ERAP2: variants seen among roughly 807,000 people sequenced by gnomAD.
ERAP2 encodes the protein endoplasmic reticulum aminopeptidase 2, also known as leukocyte-derived arginine aminopeptidase.
In ERAP2, 118 loss-of-function variants were observed where a neutral mutation model predicts 111.1. The ratio of observed to expected loss-of-function variants is 1.06; its 90% CI spans 0.92 to 1.24. The LOEUF is 1.24. Ranked by LOEUF, ERAP2 falls within the 50% of genes most tolerant of loss-of-function variation. ERAP2 has a pLI of 0.00. For missense variants in ERAP2, 1,131 were observed against 1,125.8 expected, an observed-to-expected ratio of 1.00 and a Z score of -0.07; for synonymous variants, 410 against 401.2, an observed-to-expected ratio of 1.02 and a Z score of -0.26.
intron 5 of ERAP2, 21 bp downstream of exon 5, chr5:96,889,326 A>G (rs768522911): frequency 8.1e-6 from 13 of 1,613,354 alleles, no homozygotes; most frequent in Non-Finnish European, 1.0e-5. Flanking sequence ...ATTCCACATT[A>G]TTGTCTTCAT....
intron 13 of ERAP2, among the ~76,000 whole-genome samples, chr5:96,905,922 A>T (rs973525545): frequency 2.7e-5 from 4 of 148,802 alleles, no homozygotes; most frequent in African/African-American, 9.9e-5. Flanking sequence ...TAGTTTGGAG[A>T]GATAATTTTT....
chr5:96,876,685 G>C (rs1318979113), intron 1 of ERAP2, among the ~76,000 whole-genome samples, 158 bp downstream of exon 1: 1 of 152,166 alleles, frequency 6.6e-6, no homozygotes, highest in African/African-American at 2.4e-5. Flanking sequence ...GTATTAGAAA[G>C]TGTATGCAGT....
intron 15 of ERAP2, among the ~76,000 whole-genome samples, chr5:96,911,513 C>G (rs988359371): frequency 2.0e-5 from 3 of 152,138 alleles, no homozygotes; most frequent in African/African-American, 4.8e-5. Flanking sequence ...TATAAAATAA[C>G]TAGACACTAA....
chr5:96,918,868 A>C lies in ERAP2; in HGVS notation c.*1263A>C, dbSNP rs899725885. 6.6e-6 allele frequency: 1 copy of C among 152,186 alleles called. No individual in the cohort carries two copies. The highest frequency in any genetic ancestry group is 2.4e-5 in the African/African-American group (1 of 41,454). The allele number at this position is 152,186 out of a possible 1,614,324, so 9.4% of individuals were successfully genotyped here. On this transcript the variant is annotated 3_prime_UTR_variant, in exon 19 of 19. Coordinates refer to ENST00000437043, the MANE Select transcript of ERAP2 (RefSeq NM_022350.5). Reference sequence around the variant, plus strand: ...TATAACCCAGCTTTAGCATTTCTTCATATTTTAAGGAAACCCCCCACCTCC... The same window carrying C: ...TATAACCCAGCTTTAGCATTTCTTCCTATTTTAAGGAAACCCCCCACCTCC...
At chr5:96,891,195 A>T (rs1435398463) in intron 5 of ERAP2, among the ~76,000 whole-genome samples, 3 of 152,108 alleles carry the variant, frequency 2.0e-5, no homozygotes, top group African/African-American at 7.2e-5. Flanking sequence ...GTTCATTTCA[A>T]ACTTTTAAAA....
Position 96,901,250 on chromosome 5 carries a change from T to C in ERAP2, c.1573-256T>C, listed in dbSNP as rs932716884. ...AAAGAGACTCCAGTCTCAACCTCCT[T>C]TTCACTGGCTTTTCCTGCCATGTAT... is the stretch of plus-strand genomic sequence containing the variant. On this transcript the variant is annotated intron_variant, in intron 10 of 18. Coordinates refer to ENST00000437043, the MANE Select transcript of ERAP2 (RefSeq NM_022350.5). Among the ~76,000 whole-genome samples, 3 of 152,174 alleles carry C rather than the reference T, an allele frequency of 2.0e-5. 1 individual carries two copies. Among genetic ancestry groups the C allele is most frequent in the Non-Finnish European group, 4.4e-5 (3 of 68,034 alleles).
chr5:96,892,350 T>C lies in ERAP2; in HGVS notation c.1022T>C (p.Leu341Pro). 6.2e-7 allele frequency: 1 copy of C among 1,614,042 alleles called. No individual in the cohort carries two copies. The highest frequency in any genetic ancestry group is 8.5e-7 in the Non-Finnish European group (1 of 1,179,932). Reference sequence around the variant, plus strand: ...CCTGGAGCCATGGAAAATTGGGGCCTCATTACATATAGGGAGACGTCACTG... The same window carrying C: ...CCTGGAGCCATGGAAAATTGGGGCCCCATTACATATAGGGAGACGTCACTG... ...FAPGAMENWGLITYRETSLLF... is the reference protein window; with the variant it reads ...FAPGAMENWGPITYRETSLLF... Residue 341 changes from leucine (L) to proline (P), a missense_variant, in exon 6 of 19, where the codon CTC becomes CCC. Transcript: ENST00000437043.
intron 6 of ERAP2, 128 bp downstream of exon 6, chr5:96,892,581 C>A: frequency 9.6e-7 from 1 of 1,042,446 alleles, no homozygotes; most frequent in South Asian, 1.6e-5. Context: ...GACTACTAAA[C>A]CTAACACAAC....
At chr5:96,917,361 T>A (rs886251641) in intron 18 of ERAP2, 101 bp from the exon 19 acceptor site, 28 of 1,080,254 alleles carry the variant, frequency 2.6e-5, no homozygotes, top group African/African-American at 2.4e-4. Context: ...GCTCAATTGA[T>A]CTGCCCACCT....
intron 9 of ERAP2, among the ~76,000 whole-genome samples, chr5:96,899,491 G>A (rs748328413): frequency 1.1e-4 from 17 of 152,178 alleles, no homozygotes; most frequent in Non-Finnish European, 1.9e-4. Context: ...ATCATTTAAA[G>A]GCATTTGAGA....
chr5:96,905,047 T>C (rs1785898520), intron 13 of ERAP2, among the ~76,000 whole-genome samples: 2 of 152,198 alleles, frequency 1.3e-5, no homozygotes, highest in African/African-American at 2.4e-5. Flanking sequence ...TAATATCCGA[T>C]ATACAAGGTT....
intron 15 of ERAP2, chr5:96,910,207 G>A (rs909173893): frequency 6.4e-6 from 1 of 157,228 alleles, no homozygotes; most frequent in Admixed American, 6.0e-5. Context: ...AGAAGTTGCC[G>A]TGAGCCAAGA....
At position 96,918,313 on chromosome 5, in the gene ERAP2, A is replaced by G. The variant is rs1302607178; in HGVS notation, c.*708A>G. On this transcript the variant is annotated 3_prime_UTR_variant, in exon 19 of 19. Coordinates refer to ENST00000437043, the MANE Select transcript of ERAP2 (RefSeq NM_022350.5). The stretch of plus-strand genomic sequence containing the variant: ...TTTTTTTAACCTTGCTTAGTATTCT[A>G]TAGTTTGCCCAACCAGTTTTACGTC... 1 of 152,288 alleles carries G rather than the reference A, an allele frequency of 6.6e-6. No homozygotes were observed. Among genetic ancestry groups the G allele is most frequent in the Non-Finnish European group, 1.5e-5 (1 of 68,042 alleles). The allele number at this position is 152,288 out of a possible 1,614,324, so 9.4% of individuals were successfully genotyped here.
intron 12 of ERAP2, 49 bp from the exon 13 acceptor site, chr5:96,903,328 G>T: frequency 7.0e-7 from 1 of 1,430,968 alleles, no homozygotes; most frequent in South Asian, 1.3e-5. Context: ...GAGATGTTCT[G>T]AATAAGTTTG....
chr5:96,902,237 T>A, intron 11 of ERAP2, 37 bp from the exon 12 acceptor site: 1 of 1,385,544 alleles, frequency 7.2e-7, no homozygotes. Context: ...ACAGCAGCAT[T>A]CTTTTGGTCT....
intron 6 of ERAP2, 137 bp downstream of exon 6, chr5:96,892,590 A>C: frequency 4.3e-6 from 4 of 920,666 alleles, no homozygotes; most frequent in Non-Finnish European, 6.4e-6. Flanking sequence ...ACCTAACACA[A>C]CGTCAAGTAG....
intron 4 of ERAP2, among the ~76,000 whole-genome samples, chr5:96,888,163 AAAAAG>A (rs750823846): frequency 0.012 from 1,282 of 104,312 alleles, 24 homozygotes; most frequent in African/African-American, 0.045. Context: ...TAAAAGAAAA[AAAAAG>A]AAAAATCTGT....
In ERAP2 at chr5:96,896,460, C is replaced by G. The variant is rs200759803; in HGVS notation, c.1327C>G (p.Pro443Ala). ...CCCTATCTCCAAACCAGCGGAAACC[C>G]CGACTCAAATACAGGAAATGTTTGA... ...SRPISKPAET[P>A]TQIQEMFDEV... is the part of the protein sequence containing the mutation. Residue 443 changes from proline (P) to alanine (A), a missense_variant, in exon 8 of 19, where the codon CCG becomes GCG. Pro to Ala is a conservative substitution (Grantham distance 27). Around this residue, in one of 3 missense-constraint regions of ERAP2, gnomAD observed 847 missense variants for 856.5 expected, o/e 0.99. Coordinates refer to ENST00000437043, the MANE Select transcript of ERAP2 (RefSeq NM_022350.5). 43 of 1,613,424 alleles carry G rather than the reference C, an allele frequency of 2.7e-5. No individual in the cohort carries two copies. The highest frequency in any genetic ancestry group is 3.6e-5 in the Non-Finnish European group (42 of 1,179,692).
intron 3 of ERAP2, 127 bp downstream of exon 3, chr5:96,884,057 T>A (rs1783461699): frequency 1.6e-6 from 1 of 626,362 alleles, no homozygotes; most frequent in African/African-American, 1.9e-5. Flanking sequence ...TATCTATCTA[T>A]CTATCTATCT....
Sources: allele counts gnomAD v4.1 joint callset (sites outside exome capture counted in the v4.1 genomes callset), GRCh38; gene constraint gnomAD v4.1.1; regional missense constraint gnomAD v4.1.1; transcripts MANE v1.5; gene names NCBI Gene and HGNC (gene_info 2026-07-23, HGNC 2026-07-21).